The following BMP2K variants were observed in gnomAD, a reference collection of about 807,000 sequenced individuals.
The protein encoded by BMP2K is BMP-2-inducible protein kinase.
BMP2K carries 74 observed loss-of-function variants against 116.0 expected under a neutral mutation model. The observed-to-expected ratio is 0.64, with a 90% CI of 0.53 to 0.77. The LOEUF is 0.77. BMP2K is among the 30% of genes least tolerant of loss of function. BMP2K has a pLI of 0.00. For missense variants in BMP2K, 1,365 were observed against 1,403.6 expected, an observed-to-expected ratio of 0.97 and a Z score of 0.44; for synonymous variants, 486 against 502.5, an observed-to-expected ratio of 0.97 and a Z score of 0.44.
Position 78,911,855 on chromosome 4 carries a change from C to G in BMP2K, c.3308C>G (p.Pro1103Arg), listed in dbSNP as rs1429518481. 6.2e-7 allele frequency: 1 copy of G among 1,613,900 alleles called. No homozygotes were observed. Among genetic ancestry groups the G allele is most frequent in the Non-Finnish European group, 8.5e-7 (1 of 1,179,846 alleles). The change falls in exon 16 of 16, where the codon CCA (proline) becomes CGA (arginine). Residue 1103 changes from proline (P) to arginine (R), a missense_variant. Coordinates refer to ENST00000502613, the MANE Select transcript of BMP2K (RefSeq NM_198892.2). ...CACAATACTGTCCTGCCAGGGCGGC[C>G]AAGACAAAATTCACTACATGGGTCA... ...ADHNTVLPGRPRQNSLHGSFH... is the reference protein window; with the variant it reads ...ADHNTVLPGRRRQNSLHGSFH...
At chr4:78,818,787 AGT>A (rs1729476276) in intron 1 of BMP2K, among the ~76,000 whole-genome samples, 1 of 147,132 alleles carries the variant, frequency 6.8e-6, no homozygotes, top group African/African-American at 2.5e-5. Flanking sequence ...AAGATGAAGC[AGT>A]GTTTTTTTTT....
intron 1 of BMP2K, among the ~76,000 whole-genome samples, chr4:78,780,945 G>C (rs771768234): frequency 1.3e-5 from 2 of 152,202 alleles, no homozygotes; most frequent in Non-Finnish European, 2.9e-5. Context: ...GAAACCTGAA[G>C]GATGAAGAAA....
rs533532359 is a variant in BMP2K, at chr4:78,912,171, C to G, written c.*138C>G. On this transcript the variant is annotated 3_prime_UTR_variant, in exon 16 of 16. Coordinates refer to ENST00000502613, the MANE Select transcript of BMP2K (RefSeq NM_198892.2). ...TCAGAATAGGTGATTTCTAAATAAA[C>G]CAAATAGAAGAATGAAGTATCTCTA... The G allele has an allele frequency of 1.3e-6, 1 of 786,274 alleles. No homozygotes were observed. Among genetic ancestry groups the G allele is most frequent in the Non-Finnish European group, 2.0e-6 (1 of 488,206 alleles). 48.7% of individuals were successfully genotyped at this position (786,274 alleles called of 1,614,324 possible).
chr4:78,847,147 T>G, intron 5 of BMP2K, 41 bp from the exon 6 acceptor site: 1 of 1,075,904 alleles, frequency 9.3e-7, no homozygotes, highest in Non-Finnish European at 1.3e-6. Context: ...TTTTTATATA[T>G]ATATATATAT....
Position 78,913,465 on chromosome 4 carries a change from T to G in BMP2K, c.*1432T>G, listed in dbSNP as rs544173893. 4.6e-5 allele frequency: 7 copies of G among 152,174 alleles called. No homozygotes were observed. Among genetic ancestry groups the G allele is most frequent in the African/African-American group, 1.7e-4 (7 of 41,444 alleles). 9.4% of individuals were successfully genotyped at this position (152,174 alleles called of 1,614,324 possible). On this transcript the variant is annotated 3_prime_UTR_variant, in exon 16 of 16. Transcript: ENST00000502613. ...TCCTGTGTCTATGACTATTTTAAGA[T>G]ATAATTGTGCTGCGCTATCAGATTA...
At chr4:78,807,534 G>A (rs1466631305) in intron 1 of BMP2K, among the ~76,000 whole-genome samples, 3 of 151,600 alleles carry the variant, frequency 2.0e-5, no homozygotes, top group African/African-American at 7.3e-5. Context: ...TATTAGTAAA[G>A]CCATCTAGTC....
intron 1 of BMP2K, among the ~76,000 whole-genome samples, chr4:78,801,067 A>T (rs183526905): frequency 4.5e-4 from 68 of 152,192 alleles, no homozygotes; most frequent in African/African-American, 1.4e-3. Flanking sequence ...TTGGTGTTTT[A>T]CCTGTTGGTT....
intron 2 of BMP2K, among the ~76,000 whole-genome samples, chr4:78,832,154 A>G (rs1189974807): frequency 6.6e-6 from 1 of 152,150 alleles, no homozygotes; most frequent in Non-Finnish European, 1.5e-5. Flanking sequence ...TAATACTGGC[A>G]TGAATATGTG....
chr4:78,878,584 T>G, intron 13 of BMP2K, 150 bp from the exon 14 acceptor site: 1 of 651,258 alleles, frequency 1.5e-6, no homozygotes, highest in Non-Finnish European at 2.5e-6. Context: ...GTTCTCCCTC[T>G]CCATCTCATG....
At chr4:78,795,168 G>A (rs182462438) in intron 1 of BMP2K, among the ~76,000 whole-genome samples, 15 of 152,150 alleles carry the variant, frequency 9.9e-5, no homozygotes, top group Non-Finnish European at 1.9e-4. Context: ...CACATTTATC[G>A]CAGTGTGCCA....
At chr4:78,850,881 T>A in intron 6 of BMP2K, 43 bp from the exon 7 acceptor site, 3 of 1,594,526 alleles carry the variant, frequency 1.9e-6, no homozygotes, top group Non-Finnish European at 2.6e-6. Flanking sequence ...TTGTGTCTTG[T>A]TAACTTGAGC....
intron 13 of BMP2K, among the ~76,000 whole-genome samples, chr4:78,874,307 T>C (rs1577949069): frequency 6.6e-6 from 1 of 152,202 alleles, no homozygotes; most frequent in African/African-American, 2.4e-5. Flanking sequence ...ATTAGTAACA[T>C]TATTGTGTAT....
chr4:78,785,429 C>T lies in BMP2K; in HGVS notation c.178+8708C>T, dbSNP rs183517420. On this transcript the variant is annotated intron_variant, in intron 1 of 15. Coordinates refer to ENST00000502613, the MANE Select transcript of BMP2K (RefSeq NM_198892.2). Reference sequence around the variant, plus strand: ...GCCCGGCCTAAAATTATTTTTTAATCATTGGAAAAAGGTCTTTTCTAAGAA... The same window carrying T: ...GCCCGGCCTAAAATTATTTTTTAATTATTGGAAAAAGGTCTTTTCTAAGAA... 1.3e-4 allele frequency among the ~76,000 whole-genome samples: 20 copies of T among 152,146 alleles called. No individual in the cohort carries two copies. The East Asian group carries it at 3.3e-3, about 25-fold the overall frequency.
At chr4:78,903,379 G>A (rs1734116244) in intron 15 of BMP2K, among the ~76,000 whole-genome samples, 1 of 151,710 alleles carries the variant, frequency 6.6e-6, no homozygotes, top group Non-Finnish European at 1.5e-5. Context: ...AAGTAAGTAA[G>A]CTTCTTGAAG....
chr4:78,873,282 A>G (rs963999442), intron 13 of BMP2K, among the ~76,000 whole-genome samples: 2 of 152,198 alleles, frequency 1.3e-5, no homozygotes, highest in African/African-American at 2.4e-5. Context: ...TTACCGTAAC[A>G]TAGTTGGTAA....
rs1371059981 is a variant in BMP2K at position 78,911,061 on chromosome 4, C to T, written c.2514C>T (p.Thr838=). The change falls in exon 16 of 16, where the codon ACC becomes ACT. Residue 838 remains threonine (T), a synonymous_variant. Coordinates refer to ENST00000502613, the MANE Select transcript of BMP2K (RefSeq NM_198892.2). ...PTQDLNTILL[T]SAQLSSDVAV... ...AAGATCTTAATACAATACTCCTCAC[C>T]TCAGCCCAATTATCCTCTGATGTTG... The T allele has an allele frequency of 6.2e-7, 1 of 1,613,958 alleles. No individual in the cohort carries two copies. Among genetic ancestry groups the T allele is most frequent in the Non-Finnish European group, 8.5e-7 (1 of 1,179,872 alleles).
At chr4:78,792,436 G>A (rs1728048134) in intron 1 of BMP2K, among the ~76,000 whole-genome samples, 1 of 152,170 alleles carries the variant, frequency 6.6e-6, no homozygotes, top group African/African-American at 2.4e-5. Context: ...TGGAAACAGT[G>A]ACAAACTATG....
At chr4:78,867,339 A>T (rs1459809150) in intron 10 of BMP2K, among the ~76,000 whole-genome samples, 1 of 152,138 alleles carries the variant, frequency 6.6e-6, no homozygotes, top group Non-Finnish European at 1.5e-5. Context: ...CTGTTCAGAC[A>T]TGATTTTGGA....
intron 15 of BMP2K, among the ~76,000 whole-genome samples, chr4:78,905,147 AATTG>A (rs1316035494): frequency 2.6e-5 from 4 of 151,976 alleles, no homozygotes; most frequent in Admixed American, 6.6e-5. Context: ...GCTCTCAATT[AATTG>A]ATTAACCCTT....
Sources: allele counts gnomAD v4.1 joint callset (sites outside exome capture counted in the v4.1 genomes callset), GRCh38; gene constraint gnomAD v4.1.1; transcripts MANE v1.5; gene names NCBI Gene and HGNC (gene_info 2026-07-23, HGNC 2026-07-21).